The following AGMO variants were observed in gnomAD, a reference collection of about 807,000 sequenced individuals.
The protein encoded by AGMO is glyceryl-ether monooxygenase.
A neutral mutation model predicts 60.2 loss-of-function variants in AGMO; 75 were observed. The observed-to-expected ratio is 1.25, with a 90% CI of 1.03 to 1.51. The LOEUF (loss-of-function observed/expected upper bound fraction) is 1.51. AGMO is among the 40% of genes most tolerant of loss of function. AGMO has a pLI of 0.00. For missense variants in AGMO, 763 were observed against 525.5 expected (o/e 1.45, Z -4.42); for synonymous variants, 261 against 177.1 (o/e 1.47, Z -3.76).
chr7:15,333,602 T>TAAAAAAAAAAAAAAAAAAA (rs199764355), intron 12 of AGMO, among the ~76,000 whole-genome samples: 3 of 128,326 alleles, frequency 2.3e-5, no homozygotes, highest in Non-Finnish European at 3.4e-5. Flanking sequence ...CTACTGAATT[T>TAAAAAAAAAAAAAAAAAAA]AAAAAAAAAA....
chr7:15,284,625 C>A (rs924630348), intron 12 of AGMO, among the ~76,000 whole-genome samples: 1 of 151,960 alleles, frequency 6.6e-6, no homozygotes, highest in South Asian at 2.1e-4. Flanking sequence ...GGATCCACAG[C>A]TAAATTCCAC....
chr7:15,140,288 G>A, the AGMO span, among the ~76,000 whole-genome samples: 1 of 151,988 alleles, frequency 6.6e-6, no homozygotes, highest in Non-Finnish European at 1.5e-5. Flanking sequence ...CATTACTGTT[G>A]TTGGCAAACA....
chr7:15,318,613 T>G (rs1348835471), intron 12 of AGMO, among the ~76,000 whole-genome samples: 1 of 152,170 alleles, frequency 6.6e-6, no homozygotes, highest in African/African-American at 2.4e-5. Flanking sequence ...ATGCAGGATC[T>G]AATACTCTTC....
the AGMO span, among the ~76,000 whole-genome samples, chr7:15,137,819 A>G: frequency 1.3e-5 from 2 of 152,174 alleles, no homozygotes; most frequent in African/African-American, 4.8e-5. Flanking sequence ...AAGTACATTT[A>G]AAAGAGCAGA....
At chr7:15,259,281 T>C (rs1289641992) in intron 12 of AGMO, among the ~76,000 whole-genome samples, 2 of 151,364 alleles carry the variant, frequency 1.3e-5, no homozygotes, top group African/African-American at 4.9e-5. Context: ...GTCTCAGCAA[T>C]AGAATTGAAC....
chr7:15,245,357 T>A (rs1782711081), intron 12 of AGMO, among the ~76,000 whole-genome samples: 1 of 152,180 alleles, frequency 6.6e-6, no homozygotes, highest in African/African-American at 2.4e-5. Context: ...GGGGAAATGC[T>A]AAGGATAGTC....
intron 12 of AGMO, among the ~76,000 whole-genome samples, chr7:15,332,710 T>C (rs186166414): frequency 2.0e-5 from 3 of 152,286 alleles, no homozygotes; most frequent in African/African-American, 7.2e-5. Context: ...ATGTACCTGG[T>C]ACTTATCAGG....
intron 5 of AGMO, among the ~76,000 whole-genome samples, chr7:15,404,446 A>G (rs1330185675): frequency 6.6e-6 from 1 of 151,924 alleles, no homozygotes; most frequent in African/African-American, 2.4e-5. Context: ...TCAAAGGAGA[A>G]TAAGTTATTT....
chr7:15,522,032 C>T (rs558722734), intron 3 of AGMO, among the ~76,000 whole-genome samples: 1 of 152,242 alleles, frequency 6.6e-6, no homozygotes, highest in East Asian at 1.9e-4. Context: ...GCAAAAATCA[C>T]AAGCCTCCGT....
At position 15,431,069 on chromosome 7, in the gene AGMO, C is replaced by A; in HGVS notation, c.449G>T (p.Ser150Ile). 1 of 1,611,546 alleles carries A rather than the reference C, an allele frequency of 6.2e-7. No individual in the cohort carries two copies. The highest frequency in any genetic ancestry group is 8.5e-7 in the Non-Finnish European group (1 of 1,178,328). The change falls in exon 4 of 13, where the codon AGT becomes ATT. Residue 150 changes from serine (S) to isoleucine (I), a missense_variant. Coordinates refer to ENST00000342526, the MANE Select transcript of AGMO (RefSeq NM_001004320.2). ...TGTGGATAAGTTATAGTCTTCAGAA[C>A]TATGATGTGTTTGGTGTCCGGCCCA... is the stretch of plus-strand genomic sequence containing the variant. ...IMWAGHQTHH[S>I]SEDYNLSTAL...
At chr7:15,361,546 A>AAAAAAAAAAAAAAAGAAAAAAAAG (rs60239009) in intron 12 of AGMO, among the ~76,000 whole-genome samples, 1 of 91,408 alleles carries the variant, frequency 1.1e-5, no homozygotes, top group African/African-American at 4.3e-5. Flanking sequence ...TCTCAAAAAA[A>AAAAAAAAAAAAAAAGAAAAAAAAG]AAAAAAAAGG....
chr7:15,389,662 G>A (rs1784059357), intron 8 of AGMO, among the ~76,000 whole-genome samples: 1 of 152,128 alleles, frequency 6.6e-6, no homozygotes, highest in African/African-American at 2.4e-5. Context: ...AGCAAATCTT[G>A]GGCTTAGCCT....
intron 10 of AGMO, among the ~76,000 whole-genome samples, chr7:15,371,000 C>T (rs536206845): frequency 6.6e-6 from 1 of 151,956 alleles, no homozygotes; most frequent in Non-Finnish European, 1.5e-5. Flanking sequence ...ACAAAGTTGA[C>T]AAAAGCAATG....
At chr7:15,273,414 G>C (rs1351269952) in intron 12 of AGMO, among the ~76,000 whole-genome samples, 1 of 152,072 alleles carries the variant, frequency 6.6e-6, no homozygotes, top group Non-Finnish European at 1.5e-5. Flanking sequence ...TTTTTGTCAG[G>C]TTTGTCAAAG....
intron 3 of AGMO, among the ~76,000 whole-genome samples, chr7:15,529,391 T>A (rs539917933): frequency 6.7e-6 from 1 of 149,842 alleles, no homozygotes; most frequent in Middle Eastern, 3.5e-3. Flanking sequence ...TAGACACTAT[T>A]ATTTAATTTG....
At chr7:15,271,746 G>C (rs762303893) in intron 12 of AGMO, among the ~76,000 whole-genome samples, 1 of 152,056 alleles carries the variant, frequency 6.6e-6, no homozygotes, top group African/African-American at 2.4e-5. Flanking sequence ...TCTTGTTCTG[G>C]TTCTTAGGGA....
the AGMO span, among the ~76,000 whole-genome samples, chr7:15,164,483 A>C: frequency 6.6e-6 from 1 of 152,086 alleles, no homozygotes; most frequent in South Asian, 2.1e-4. Flanking sequence ...AAATATTTGC[A>C]AACTATGCCT....
chr7:15,272,569 G>A (rs1783648886), intron 12 of AGMO, among the ~76,000 whole-genome samples: 4 of 151,982 alleles, frequency 2.6e-5, no homozygotes, highest in Admixed American at 2.0e-4. Flanking sequence ...TTGCTATTGT[G>A]AATAGTGCCA....
At chr7:15,127,758 CAT>C in the AGMO span, among the ~76,000 whole-genome samples, 9 of 152,188 alleles carry the variant, frequency 5.9e-5, no homozygotes, top group South Asian at 1.7e-3. Flanking sequence ...AATGAAATCA[CAT>C]GTTCATTGTT....
Sources: allele counts gnomAD v4.1 joint callset (sites outside exome capture counted in the v4.1 genomes callset), GRCh38; gene constraint gnomAD v4.1.1; transcripts MANE v1.5; gene names NCBI Gene and HGNC (gene_info 2026-07-23, HGNC 2026-07-21).